Variants in TSNAXIP1 observed in about 807,000 individuals in gnomAD.
The protein encoded by TSNAXIP1 is translin associated factor X interacting protein 1.
Under a neutral mutation model 84.8 loss-of-function variants are expected in TSNAXIP1, and 89 were observed. That is an observed-to-expected ratio of 1.05 (90% confidence interval 0.88 to 1.25). The LOEUF is 1.25. TSNAXIP1 is among the 50% of genes most tolerant of loss of function. The probability of loss-of-function intolerance (pLI) is 0.00; values close to 1 mark genes in which losing one functional copy is unlikely to be tolerated. For synonymous variants in TSNAXIP1, 347 were observed against 335.2 expected, an observed-to-expected ratio of 1.04 and a Z score of -0.39; for missense variants, 874 against 887.6, an observed-to-expected ratio of 0.98 and a Z score of 0.20.
At chr16:67,823,753 C>T in intron 5 of TSNAXIP1, 34 bp downstream of exon 5, 1 of 1,568,968 alleles carries the variant, frequency 6.4e-7, no homozygotes, top group Non-Finnish European at 8.8e-7. Flanking sequence ...CGTAGTGGCT[C>T]ACGCCTGTAA....
intron 13 of TSNAXIP1, 42 bp from the exon 14 acceptor site, chr16:67,827,207 G>A (rs367810187): frequency 1.9e-6 from 3 of 1,612,654 alleles, no homozygotes; most frequent in Non-Finnish European, 2.5e-6. Flanking sequence ...GGCACAAGCA[G>A]GCCTCAGCAG....
chr16:67,820,479 G>C (rs1353530714), intron 2 of TSNAXIP1, among the ~76,000 whole-genome samples: 1 of 151,992 alleles, frequency 6.6e-6, no homozygotes, highest in Admixed American at 6.6e-5. Context: ...AGGCACAGTG[G>C]TTCACGCCTG....
chr16:67,807,690 C>T (rs1464092525), intron 1 of TSNAXIP1: 1 of 254,268 alleles, frequency 3.9e-6, no homozygotes, highest in Non-Finnish European at 7.9e-6. Context: ...ACCACGTTGC[C>T]CAGGCTGGTT....
chr16:67,807,955 C>A (rs1318080810), intron 1 of TSNAXIP1, among the ~76,000 whole-genome samples: 1 of 152,088 alleles, frequency 6.6e-6, no homozygotes, highest in African/African-American at 2.4e-5. Flanking sequence ...GCCTGGAGAG[C>A]CATACATACG....
chr16:67,827,305 T>G lies in TSNAXIP1; in HGVS notation c.1721T>G (p.Met574Arg). The G allele has an allele frequency of 6.2e-7, 1 of 1,614,200 alleles. No homozygotes were observed. The highest frequency in any genetic ancestry group is 1.1e-5 in the South Asian group (1 of 91,088). Reference protein sequence around the residue: ...LKTEEQIQELMEAGGWHPSSS... With the variant: ...LKTEEQIQELREAGGWHPSSS... ...ACAGAAGAGCAAATCCAGGAGCTGA[T>G]GGAGGCAGGGGGCTGGCATCCCAGC... Residue 574 changes from methionine (M) to arginine (R), a missense_variant, in exon 14 of 16, where the codon ATG (methionine) becomes AGG (arginine). Physicochemically the swap from Met to Arg is moderately conservative, Grantham distance 91. Coordinates refer to ENST00000561639, the MANE Select transcript of TSNAXIP1 (RefSeq NM_001288990.3).
intron 1 of TSNAXIP1, chr16:67,807,613 C>T (rs188341505): frequency 3.9e-4 from 111 of 286,546 alleles, no homozygotes; most frequent in African/African-American, 2.4e-3. Context: ...TACAGGCATG[C>T]GCCACTACGC....
chr16:67,813,731 CAAA>C (rs373627128), intron 1 of TSNAXIP1, among the ~76,000 whole-genome samples: 3 of 41,208 alleles, frequency 7.3e-5, no homozygotes, highest in Non-Finnish European at 4.6e-5. Flanking sequence ...GACTCCGTCT[CAAA>C]AAAAAAAAAA....
intron 1 of TSNAXIP1, among the ~76,000 whole-genome samples, chr16:67,810,358 C>T (rs1018360933): frequency 1.3e-5 from 2 of 152,122 alleles, no homozygotes; most frequent in Non-Finnish European, 2.9e-5. Flanking sequence ...CGGTGGCTCA[C>T]GTCTGTAATC....
intron 15 of TSNAXIP1, 70 bp from the exon 16 acceptor site, chr16:67,827,683 G>A (rs1459612937): frequency 6.2e-6 from 10 of 1,610,680 alleles, no homozygotes; most frequent in African/African-American, 2.7e-5. Flanking sequence ...CAGCACAGAG[G>A]AGGGCACCTG....
Position 67,821,117 on chromosome 16 carries a change from C to T in TSNAXIP1, c.279C>T (p.Pro93=). ...RKRVGSCQQH[P]FRTAKPQYLE... ...CCTGCAGGAGCTGCCAGCAGCACCC[C>T]TTTCGCACTGCCAAGCCCCAGTACT... The change falls in exon 4 of 16, where the codon CCC becomes CCT. Residue 93 remains proline (P), a synonymous_variant. Transcript: ENST00000561639. 1.2e-6 allele frequency: 2 copies of T among 1,613,230 alleles called. No homozygotes were observed. Among genetic ancestry groups the T allele is most frequent in the Admixed American group, 1.7e-5 (1 of 59,824 alleles).
At chr16:67,827,130 G>A (rs2057519134) in intron 13 of TSNAXIP1, 58 bp downstream of exon 13, 3 of 1,606,894 alleles carry the variant, frequency 1.9e-6, no homozygotes, top group Non-Finnish European at 2.6e-6. Flanking sequence ...GCATCTGTAG[G>A]GAAAAGGGGC....
intron 6 of TSNAXIP1, 102 bp downstream of exon 6, chr16:67,824,881 A>C (rs1319027748): frequency 7.8e-7 from 1 of 1,288,656 alleles, no homozygotes; most frequent in Non-Finnish European, 1.1e-6. Context: ...GGAGAGTGAC[A>C]CACTGAGCCA....
intron 2 of TSNAXIP1, among the ~76,000 whole-genome samples, chr16:67,820,191 C>T (rs2056928066): frequency 6.6e-6 from 1 of 151,672 alleles, no homozygotes; most frequent in Non-Finnish European, 1.5e-5. Flanking sequence ...CTCCTGACCT[C>T]GTGATCCACC....
chr16:67,808,993 C>T (rs1478384674), intron 1 of TSNAXIP1, among the ~76,000 whole-genome samples: 1 of 146,418 alleles, frequency 6.8e-6, no homozygotes. Context: ...TCAAGACCAG[C>T]CTGGGAAACA....
At chr16:67,809,631 A>AAAT (rs1567734243) in intron 1 of TSNAXIP1, among the ~76,000 whole-genome samples, 115 of 150,662 alleles carry the variant, frequency 7.6e-4, no homozygotes, top group African/African-American at 2.8e-3. Context: ...GTCTCAAAAA[A>AAAT]AAATAAATAA....
chr16:67,816,785 A>T (rs1009160364), intron 2 of TSNAXIP1, among the ~76,000 whole-genome samples: 54 of 151,872 alleles, frequency 3.6e-4, no homozygotes, highest in Non-Finnish European at 5.9e-5. Context: ...GCCCGGGAGC[A>T]CTGCGTTCCA....
intron 2 of TSNAXIP1, among the ~76,000 whole-genome samples, chr16:67,820,252 C>T (rs915272384): frequency 3.3e-5 from 5 of 152,078 alleles, no homozygotes; most frequent in African/African-American, 4.8e-5. Context: ...CCACCGCGCC[C>T]GACTATGCTT....
intron 2 of TSNAXIP1, among the ~76,000 whole-genome samples, chr16:67,820,280 A>G (rs1439054652): frequency 1.3e-5 from 2 of 152,150 alleles, no homozygotes; most frequent in African/African-American, 4.8e-5. Flanking sequence ...GCATCCTCAC[A>G]TCAATACACT....
intron 2 of TSNAXIP1, among the ~76,000 whole-genome samples, chr16:67,816,756 G>A (rs555342531): frequency 1.3e-5 from 2 of 152,128 alleles, no homozygotes; most frequent in South Asian, 4.1e-4. Flanking sequence ...CCTACAGGGG[G>A]AAGCAGAGAG....
Sources: gnomAD v4.1 joint callset for allele counts (sites outside exome capture counted in the v4.1 genomes callset) on GRCh38, gnomAD v4.1.1 for gene constraint, MANE v1.5 for transcripts, NCBI Gene and HGNC (gene_info 2026-07-23, HGNC 2026-07-21) for gene names.